Variants in KCNIP1 observed in about 807,000 individuals in gnomAD.
KCNIP1 encodes potassium voltage-gated channel interacting protein 1.
Under a neutral mutation model 33.0 loss-of-function variants are expected in KCNIP1, and 18 were observed. The observed-to-expected ratio is 0.55, with a 90% CI of 0.38 to 0.81. The LOEUF is 0.81. KCNIP1 is among the 30% of genes least tolerant of loss of function. KCNIP1 has a pLI of 0.00. For missense variants in KCNIP1, 238 were observed against 271.6 expected, an observed-to-expected ratio of 0.88 and a Z score of 0.87; for synonymous variants, 93 against 98.3, an observed-to-expected ratio of 0.95 and a Z score of 0.32.
intron 1 of KCNIP1, among the ~76,000 whole-genome samples, chr5:170,547,613 G>A (rs1756463999): frequency 6.6e-6 from 1 of 152,128 alleles, no homozygotes; most frequent in African/African-American, 2.4e-5. Flanking sequence ...TTATAAGTGA[G>A]AACATGTGGT....
chr5:170,423,454 A>C (rs1055150257), intron 1 of KCNIP1, among the ~76,000 whole-genome samples: 1 of 152,204 alleles, frequency 6.6e-6, no homozygotes, highest in Admixed American at 6.5e-5. Flanking sequence ...AAGGGAACCC[A>C]TATCCTGAAT....
At chr5:170,510,899 A>G (rs1754910326) in intron 1 of KCNIP1, among the ~76,000 whole-genome samples, 1 of 152,210 alleles carries the variant, frequency 6.6e-6, no homozygotes, top group Non-Finnish European at 1.5e-5. Flanking sequence ...TCCAGGCCTC[A>G]GTTTCCTCTT....
chr5:170,688,967 G>A (rs1258328823), intron 1 of KCNIP1, among the ~76,000 whole-genome samples: 6 of 142,664 alleles, frequency 4.2e-5, no homozygotes, highest in Non-Finnish European at 9.3e-5. Context: ...GAAGGGAAGG[G>A]TGGAAAGAAG....
At chr5:170,412,316 A>T (rs910019135) in intron 1 of KCNIP1, among the ~76,000 whole-genome samples, 2 of 152,134 alleles carry the variant, frequency 1.3e-5, no homozygotes, top group African/African-American at 4.8e-5. Flanking sequence ...AAGATGGGAG[A>T]AGCCTTGGGT....
intron 1 of KCNIP1, among the ~76,000 whole-genome samples, chr5:170,358,258 T>A (rs993636793): frequency 5.3e-5 from 8 of 152,086 alleles, no homozygotes; most frequent in Non-Finnish European, 1.2e-4. Flanking sequence ...AGGCCACCCA[T>A]GAGGCTGCGG....
intron 1 of KCNIP1, among the ~76,000 whole-genome samples, chr5:170,355,387 A>AGCT (rs1683039946): frequency 6.6e-6 from 1 of 152,232 alleles, no homozygotes; most frequent in East Asian, 1.9e-4. Flanking sequence ...CCTCAGAGAC[A>AGCT]GCTGGAAGGT....
chr5:170,606,209 A>C (rs1758912775), intron 1 of KCNIP1, among the ~76,000 whole-genome samples: 1 of 152,168 alleles, frequency 6.6e-6, no homozygotes, highest in Non-Finnish European at 1.5e-5. Context: ...ATAAATATTC[A>C]TGTACAAGTT....
At chr5:170,687,187 T>A (rs543332758) in intron 1 of KCNIP1, among the ~76,000 whole-genome samples, 1 of 148,776 alleles carries the variant, frequency 6.7e-6, no homozygotes, top group Non-Finnish European at 1.5e-5. Context: ...CTGAGTAAAT[T>A]TTTTTTTTTT....
intron 1 of KCNIP1, among the ~76,000 whole-genome samples, chr5:170,391,638 AG>A (rs2113365438): frequency 6.6e-6 from 1 of 152,330 alleles, no homozygotes; most frequent in East Asian, 1.9e-4. Context: ...CAGCTTCTTA[AG>A]GTACTAGCAC....
chr5:170,674,186 AGGGAGGG>A (rs1762040579), intron 1 of KCNIP1, among the ~76,000 whole-genome samples: 2 of 27,556 alleles, frequency 7.3e-5, no homozygotes, highest in Non-Finnish European at 1.2e-4. Context: ...GAAGGAAGGG[AGGGAGGG>A]AGGGAGGGAG....
At position 170,491,509 on chromosome 5, in the gene KCNIP1, C is replaced by T. The variant is rs531688944; in HGVS notation, c.88+137545C>T. ...TATTTCCTCCTCATCACTTACCTAG[C>T]AAATCTGGCTCACAGTATAATATCA... is the stretch of plus-strand genomic sequence containing the variant. On this transcript the variant is annotated intron_variant, in intron 1 of 7. Coordinates refer to the KCNIP1 transcript ENST00000377360. Among the ~76,000 whole-genome samples the T allele has an allele frequency of 8.5e-5, 13 of 152,318 alleles. No homozygotes were observed. In the East Asian group the frequency reaches 2.5e-3, roughly 29 times the overall value.
At chr5:170,623,283 G>A (rs112709067) in intron 1 of KCNIP1, among the ~76,000 whole-genome samples, 2 of 151,128 alleles carry the variant, frequency 1.3e-5, no homozygotes, top group South Asian at 2.1e-4. Flanking sequence ...GCACGATCTC[G>A]ACTCTTCAAC....
chr5:170,498,532 C>T (rs1343692997), intron 1 of KCNIP1, among the ~76,000 whole-genome samples: 1 of 152,176 alleles, frequency 6.6e-6, no homozygotes, highest in Non-Finnish European at 1.5e-5. Context: ...TCTTTCCTTC[C>T]TAGCCTGAAT....
chr5:170,527,979 G>C (rs6874241), intron 1 of KCNIP1, among the ~76,000 whole-genome samples: 3 of 151,808 alleles, frequency 2.0e-5, no homozygotes, highest in Non-Finnish European at 2.9e-5. Flanking sequence ...GTTATTTTTC[G>C]ATTATCCTTT....
chr5:170,659,456 T>C (rs1240936337), intron 1 of KCNIP1, among the ~76,000 whole-genome samples: 2 of 152,150 alleles, frequency 1.3e-5, no homozygotes, highest in Non-Finnish European at 2.9e-5. Context: ...ATGGAAAATT[T>C]GGGGAAAAAA....
chr5:170,408,975 G>A (rs150221269), intron 1 of KCNIP1, among the ~76,000 whole-genome samples: 1 of 152,324 alleles, frequency 6.6e-6, no homozygotes, highest in African/African-American at 2.4e-5. Flanking sequence ...CCCAGGCACT[G>A]CAAAGTGGGC....
chr5:170,598,904 C>CGGGTGTGT (rs1412098474), intron 1 of KCNIP1, among the ~76,000 whole-genome samples: 1 of 133,776 alleles, frequency 7.5e-6, no homozygotes, highest in Non-Finnish European at 1.6e-5. Context: ...TGTGTGTGCG[C>CGGGTGTGT]GTGTGTGTGT....
chr5:170,512,321 G>C (rs957440201), intron 1 of KCNIP1, among the ~76,000 whole-genome samples: 4 of 152,210 alleles, frequency 2.6e-5, no homozygotes, highest in Non-Finnish European at 5.9e-5. Context: ...CGGTTTACAA[G>C]TGGTTATCAC....
intron 1 of KCNIP1, among the ~76,000 whole-genome samples, chr5:170,538,021 T>C (rs1295896386): frequency 6.6e-6 from 1 of 152,210 alleles, no homozygotes; most frequent in Admixed American, 6.5e-5. Context: ...AGCTCAGTGC[T>C]AATCCCTCTA....
Sources: gnomAD v4.1 joint callset for allele counts (sites outside exome capture counted in the v4.1 genomes callset) on GRCh38, gnomAD v4.1.1 for gene constraint, MANE v1.5 for transcripts, NCBI Gene and HGNC (gene_info 2026-07-23, HGNC 2026-07-21) for gene names.